Variants in CNTNAP2 observed in about 807,000 individuals in gnomAD.
CNTNAP2 encodes the protein contactin-associated protein-like 2.
Under a neutral mutation model 155.2 loss-of-function variants are expected in CNTNAP2, and 98 were observed. The observed-to-expected ratio is 0.63, with a 90% CI of 0.54 to 0.75. The LOEUF is 0.75. Ranked by LOEUF, CNTNAP2 falls within the 30% of genes least tolerant of loss-of-function variation. The pLI is 0.00. For synonymous variants in CNTNAP2, 651 were observed against 631.2 expected, an observed-to-expected ratio of 1.03 and a Z score of -0.47; for missense variants, 1,727 against 1,688.1, an observed-to-expected ratio of 1.02 and a Z score of -0.40.
rs572403497 is a variant in CNTNAP2 at position 147,313,778 on chromosome 7, A to T, written c.1498+13488A>T. ...TTTGGTTCCATATGAACTTTAAAGT[A>T]GTTTTTTCCCATTCTGTGAAGAAAG... On this transcript the variant is annotated intron_variant, in intron 9 of 23. Coordinates refer to ENST00000361727, the MANE Select transcript of CNTNAP2 (RefSeq NM_014141.6). Among the ~76,000 whole-genome samples, 4 of 152,170 alleles carry T rather than the reference A, an allele frequency of 2.6e-5. No individual in the cohort carries two copies. In the South Asian group the frequency reaches 8.3e-4, roughly 32 times the overall value.
intron 13 of CNTNAP2, among the ~76,000 whole-genome samples, chr7:147,825,505 G>A (rs1798432823): frequency 6.6e-6 from 1 of 152,152 alleles, no homozygotes; most frequent in Non-Finnish European, 1.5e-5. Context: ...ACTTTGAGAG[G>A]AGAAACTAGG....
At chr7:146,895,574 A>C (rs1319467294) in intron 3 of CNTNAP2, among the ~76,000 whole-genome samples, 1 of 151,896 alleles carries the variant, frequency 6.6e-6, no homozygotes, top group Admixed American at 6.6e-5. Flanking sequence ...GCCATTTTTG[A>C]TATTTTTGTT....
In CNTNAP2 at chr7:147,811,536, T is replaced by G. The variant is rs575118651; in HGVS notation, c.2099-92029T>G. ...CGATGTTTGGCTCATGAAGACTCCC[T>G]AGAAGCCCAGTGTCCCCTAGGGAGG... On this transcript the variant is annotated intron_variant, in intron 13 of 23. Coordinates refer to ENST00000361727, the MANE Select transcript of CNTNAP2 (RefSeq NM_014141.6). Among the ~76,000 whole-genome samples the G allele has an allele frequency of 5.3e-5, 8 of 152,290 alleles. No individual in the cohort carries two copies. In the South Asian group the frequency reaches 1.7e-3, roughly 32 times the overall value.
At chr7:147,772,512 G>T (rs1797491628) in intron 13 of CNTNAP2, among the ~76,000 whole-genome samples, 1 of 127,132 alleles carries the variant, frequency 7.9e-6, no homozygotes. Context: ...CCACAAAAGA[G>T]GTGATTTTTT....
chr7:146,135,882 G>A (rs1797790028), intron 1 of CNTNAP2, among the ~76,000 whole-genome samples: 1 of 152,010 alleles, frequency 6.6e-6, no homozygotes, highest in Non-Finnish European at 1.5e-5. Flanking sequence ...CTATGTTCAA[G>A]CTGGTAAAAT....
intron 13 of CNTNAP2, among the ~76,000 whole-genome samples, chr7:147,733,628 A>G (rs1051546791): frequency 2.6e-5 from 4 of 152,126 alleles, no homozygotes; most frequent in Admixed American, 6.5e-5. Context: ...CATTTTCATG[A>G]TATTGATTCT....
chr7:147,003,720 A>G, intron 3 of CNTNAP2, among the ~76,000 whole-genome samples: 1 of 151,970 alleles, frequency 6.6e-6, no homozygotes, highest in East Asian at 1.9e-4. Flanking sequence ...TTTTGTTAGG[A>G]ACCGTTTAAT....
intron 13 of CNTNAP2, among the ~76,000 whole-genome samples, chr7:147,721,377 C>T (rs1441175888): frequency 2.0e-5 from 3 of 151,934 alleles, no homozygotes; most frequent in Non-Finnish European, 4.4e-5. Context: ...ACTTTTTAAC[C>T]CTGTTAACTT....
At chr7:147,506,747 T>G (rs1160620741) in intron 11 of CNTNAP2, among the ~76,000 whole-genome samples, 1 of 152,222 alleles carries the variant, frequency 6.6e-6, no homozygotes, top group African/African-American at 2.4e-5. Flanking sequence ...GCCACTAACA[T>G]CTACCCACTG....
chr7:146,603,305 G>A (rs552433168), intron 1 of CNTNAP2, among the ~76,000 whole-genome samples: 6 of 150,714 alleles, frequency 4.0e-5, no homozygotes, highest in East Asian at 3.9e-4. Flanking sequence ...CCAGCTACTC[G>A]AAAGGCTGAG....
intron 9 of CNTNAP2, among the ~76,000 whole-genome samples, chr7:147,345,381 A>G (rs1013972084): frequency 1.3e-5 from 2 of 152,220 alleles, no homozygotes; most frequent in African/African-American, 4.8e-5. Context: ...GTTGATTGAA[A>G]ATGGAATTCT....
chr7:147,372,879 C>T (rs1317777148), intron 9 of CNTNAP2, among the ~76,000 whole-genome samples: 1 of 152,036 alleles, frequency 6.6e-6, no homozygotes, highest in Non-Finnish European at 1.5e-5. Flanking sequence ...CCTGGCAAAG[C>T]TCCCTGTCTA....
At chr7:146,489,275 C>A (rs911709610) in intron 1 of CNTNAP2, among the ~76,000 whole-genome samples, 1 of 152,092 alleles carries the variant, frequency 6.6e-6, no homozygotes, top group Admixed American at 6.5e-5. Context: ...GATCCTCAGT[C>A]TCCTTTGATT....
chr7:146,450,815 A>C (rs375759090), intron 1 of CNTNAP2, among the ~76,000 whole-genome samples: 1 of 152,246 alleles, frequency 6.6e-6, no homozygotes, highest in South Asian at 2.1e-4. Context: ...GGATTTTTAC[A>C]AATAATTTGT....
chr7:146,238,392 C>T (rs915218119), intron 1 of CNTNAP2, among the ~76,000 whole-genome samples: 1 of 151,984 alleles, frequency 6.6e-6, no homozygotes, highest in Non-Finnish European at 1.5e-5. Context: ...GCATCAGATA[C>T]GTGAGCACAA....
intron 3 of CNTNAP2, among the ~76,000 whole-genome samples, chr7:146,968,675 A>G (rs1269539469): frequency 1.3e-5 from 2 of 151,522 alleles, no homozygotes; most frequent in Non-Finnish European, 2.9e-5. Flanking sequence ...ATCATTTTTT[A>G]TTGTGTCTAT....
chr7:148,113,551 A>T (rs1207324451), intron 15 of CNTNAP2, among the ~76,000 whole-genome samples: 1 of 152,226 alleles, frequency 6.6e-6, no homozygotes, highest in Non-Finnish European at 1.5e-5. Context: ...GATTCAAGTA[A>T]GTGGCTGCTA....
chr7:147,362,886 T>TA (rs1006041341), intron 9 of CNTNAP2, among the ~76,000 whole-genome samples: 27 of 152,052 alleles, frequency 1.8e-4, no homozygotes, highest in African/African-American at 3.9e-4. Context: ...CAGAAGTTAA[T>TA]AAAAAAAATT....
intron 3 of CNTNAP2, among the ~76,000 whole-genome samples, chr7:146,919,695 A>C (rs1796460413): frequency 6.6e-6 from 1 of 152,192 alleles, no homozygotes; most frequent in Admixed American, 6.5e-5. Flanking sequence ...GTTCAAGAGC[A>C]CATCAGCTAA....
Sources: allele counts gnomAD v4.1 joint callset (sites outside exome capture counted in the v4.1 genomes callset), GRCh38; gene constraint gnomAD v4.1.1; transcripts MANE v1.5; gene names NCBI Gene and HGNC (gene_info 2026-07-23, HGNC 2026-07-21).